The following LRRC8D variants were observed in gnomAD, a reference collection of about 807,000 sequenced individuals.
LRRC8D encodes leucine rich repeat containing 8 VRAC subunit D.
LRRC8D carries 20 observed loss-of-function variants against 55.8 expected under a neutral mutation model. The ratio of observed to expected loss-of-function variants is 0.36; its 90% CI spans 0.25 to 0.52. LRRC8D has a LOEUF of 0.52. Ranked by LOEUF, LRRC8D falls within the 20% of genes least tolerant of loss-of-function variation. The pLI is 0.93. For synonymous variants in LRRC8D, 352 were observed against 377.0 expected (o/e 0.93, Z 0.77); for missense variants, 651 against 1,030.8 (o/e 0.63, Z 5.05).
intron 2 of LRRC8D, among the ~76,000 whole-genome samples, chr1:89,922,637 G>A (rs1158816594): frequency 6.6e-6 from 1 of 152,170 alleles, no homozygotes; most frequent in East Asian, 1.9e-4. Flanking sequence ...ACGTTACACT[G>A]TGAGGTGGTT....
chr1:89,875,450 T>C (rs770389965), intron 2 of LRRC8D, among the ~76,000 whole-genome samples: 2 of 152,138 alleles, frequency 1.3e-5, no homozygotes, highest in African/African-American at 2.4e-5. Context: ...CTTATCCTTA[T>C]GAAGACCATA....
intron 2 of LRRC8D, among the ~76,000 whole-genome samples, chr1:89,924,706 A>G (rs1663512129): frequency 1.3e-5 from 2 of 152,160 alleles, no homozygotes; most frequent in African/African-American, 2.4e-5. Context: ...TTAATATGGT[A>G]CATATACACC....
intron 2 of LRRC8D, among the ~76,000 whole-genome samples, chr1:89,922,479 A>G (rs1481399559): frequency 6.6e-6 from 1 of 152,220 alleles, no homozygotes; most frequent in East Asian, 1.9e-4. Context: ...TGCTAGTTCA[A>G]AATTCAACGA....
intron 2 of LRRC8D, among the ~76,000 whole-genome samples, chr1:89,925,041 C>T (rs1292441351): frequency 2.6e-5 from 4 of 152,138 alleles, no homozygotes; most frequent in Non-Finnish European, 4.4e-5. Flanking sequence ...TGTTAGGAAC[C>T]GGGTCGCACA....
chr1:89,846,379 G>A (rs1661282107), intron 2 of LRRC8D, among the ~76,000 whole-genome samples: 1 of 150,616 alleles, frequency 6.6e-6, no homozygotes. Flanking sequence ...ATGATGTAGT[G>A]AAGTAGGATT....
chr1:89,871,129 G>A (rs1661996414), intron 2 of LRRC8D, among the ~76,000 whole-genome samples: 1 of 152,176 alleles, frequency 6.6e-6, no homozygotes, highest in African/African-American at 2.4e-5. Flanking sequence ...TACTAGTGAG[G>A]AAGAGTTCAT....
chr1:89,826,641 A>G (rs1488844016), intron 1 of LRRC8D, among the ~76,000 whole-genome samples: 1 of 152,274 alleles, frequency 6.6e-6, no homozygotes, highest in Non-Finnish European at 1.5e-5. Flanking sequence ...AGTAGGCATT[A>G]GAATCTATCT....
chr1:89,868,316 C>A (rs1209713366), intron 2 of LRRC8D, among the ~76,000 whole-genome samples: 1 of 152,086 alleles, frequency 6.6e-6, no homozygotes, highest in Non-Finnish European at 1.5e-5. Flanking sequence ...GCTAATGATT[C>A]CCACAGGAAA....
chr1:89,924,633 TTC>T (rs1663509610), intron 2 of LRRC8D, among the ~76,000 whole-genome samples: 1 of 152,164 alleles, frequency 6.6e-6, no homozygotes, highest in African/African-American at 2.4e-5. Flanking sequence ...TGCAGCACTA[TTC>T]ACAATAGCAA....
chr1:89,863,326 C>A (rs916765695), intron 2 of LRRC8D, among the ~76,000 whole-genome samples: 2 of 152,134 alleles, frequency 1.3e-5, no homozygotes, highest in African/African-American at 2.4e-5. Context: ...TGGTCTGTGG[C>A]CCCTGGAGGA....
chr1:89,845,585 C>T lies in LRRC8D; in HGVS notation c.-3+1803C>T, dbSNP rs141682732. Among the ~76,000 whole-genome samples the T allele has an allele frequency of 6.9e-3, 1,055 of 152,116 alleles. 10 individuals are homozygous for T. Among genetic ancestry groups the T allele is most frequent in the Middle Eastern group, 0.02 (6 of 294 alleles). ...CTGAGTAGCTGAGATTACAGGTGCA[C>T]GCCACCACACCCAGCGAATTTTTGT... On this transcript the variant is annotated intron_variant, in intron 2 of 2. Coordinates refer to ENST00000337338, the MANE Select transcript of LRRC8D (RefSeq NM_001134479.2).
intron 1 of LRRC8D, among the ~76,000 whole-genome samples, chr1:89,827,536 A>G (rs1660794105): frequency 6.6e-6 from 1 of 152,196 alleles, no homozygotes; most frequent in Non-Finnish European, 1.5e-5. Context: ...TCATGAGGAC[A>G]GGGTCCTTGC....
chr1:89,836,153 G>A (rs886168197), intron 1 of LRRC8D, among the ~76,000 whole-genome samples: 4 of 152,028 alleles, frequency 2.6e-5, no homozygotes, highest in African/African-American at 9.7e-5. Flanking sequence ...ACATTTCCTA[G>A]GACCCAGCCT....
At chr1:89,840,667 G>T (rs905584897) in intron 1 of LRRC8D, among the ~76,000 whole-genome samples, 4 of 152,176 alleles carry the variant, frequency 2.6e-5, no homozygotes, top group African/African-American at 9.7e-5. Flanking sequence ...TTATCACTCA[G>T]TACAGTACTT....
In LRRC8D at chr1:89,933,247, C is replaced by T. The variant is rs1387022708; in HGVS notation, c.179C>T (p.Ser60Phe). ...GTGGTCTGTTTGCCAGTATTGCCAT[C>T]TCCTGTAAATTCAAAGGCACATACA... ...DQVVCLPVLP[S>F]PVNSKAHTPP... Residue 60 changes from serine (S) to phenylalanine (F), a missense_variant, in exon 3 of 3, where the codon TCT becomes TTT. Physicochemically the swap from Ser to Phe is radical, Grantham distance 155. Coordinates refer to ENST00000337338, the MANE Select transcript of LRRC8D (RefSeq NM_001134479.2). The surrounding 1 kb of genome is among the most constrained non-coding windows in gnomAD (Gnocchi z 7.0). 2 of 1,614,154 alleles carry T rather than the reference C, an allele frequency of 1.2e-6. No homozygotes were observed. Among genetic ancestry groups the T allele is most frequent in the Admixed American group, 3.3e-5 (2 of 60,012 alleles).
chr1:89,889,796 TC>T, intron 2 of LRRC8D, among the ~76,000 whole-genome samples: 1 of 151,684 alleles, frequency 6.6e-6, no homozygotes, highest in Non-Finnish European at 1.5e-5. Context: ...GGTAGGAGGA[TC>T]GCTTGAGCCT....
At chr1:89,895,957 A>G (rs7552826) in intron 2 of LRRC8D, among the ~76,000 whole-genome samples, 3,101 of 152,320 alleles carry the variant, frequency 0.02, 112 homozygotes, top group African/African-American at 0.071. Context: ...TAAACATATT[A>G]CATAATATAT....
At chr1:89,929,879 G>T (rs1663657856) in intron 2 of LRRC8D, 1 of 152,324 alleles carries the variant, frequency 6.6e-6, no homozygotes, top group African/African-American at 2.4e-5. Flanking sequence ...ACGGCAGTAG[G>T]TGAGCGGCGG....
At chr1:89,843,579 T>A in intron 1 of LRRC8D, 59 bp from the exon 2 acceptor site, 1 of 697,152 alleles carries the variant, frequency 1.4e-6, no homozygotes, top group Non-Finnish European at 2.6e-6. Context: ...CACTCCTTCC[T>A]CCCCGCTGCC....
Sources: allele counts gnomAD v4.1 joint callset (sites outside exome capture counted in the v4.1 genomes callset), GRCh38; gene constraint gnomAD v4.1.1; non-coding constraint Gnocchi (gnomAD v3.1); transcripts MANE v1.5; gene names NCBI Gene and HGNC (gene_info 2026-07-23, HGNC 2026-07-21).